The following MSRB3 variants were observed in gnomAD, a reference collection of about 807,000 sequenced individuals.
The protein encoded by MSRB3 is methionine sulfoxide reductase B3.
Under a neutral mutation model 21.0 loss-of-function variants are expected in MSRB3, and 13 were observed. That is an observed-to-expected ratio of 0.62 (90% CI 0.40 to 0.98). MSRB3 has a LOEUF of 0.98. Among genes scored for constraint, MSRB3 ranks in the 50% least tolerant of loss-of-function variants. MSRB3 has a pLI of 0.00. For missense variants in MSRB3, 199 were observed against 230.3 expected, an observed-to-expected ratio of 0.86 and a Z score of 0.88; for synonymous variants, 87 against 88.6, an observed-to-expected ratio of 0.98 and a Z score of 0.10.
chr12:65,307,015 C>T, intron 1 of MSRB3: 1 of 985,834 alleles, frequency 1.0e-6, no homozygotes, highest in Non-Finnish European at 1.2e-6. Context: ...AGTGAGACTG[C>T]AGCTTTGCTA....
chr12:65,452,157 A>G (rs898751707), intron 5 of MSRB3, among the ~76,000 whole-genome samples: 3 of 152,178 alleles, frequency 2.0e-5, no homozygotes, highest in Admixed American at 6.5e-5. Context: ...TAATACAACA[A>G]TGAAACTCCT....
chr12:65,374,923 C>T (rs1181989064), intron 5 of MSRB3, among the ~76,000 whole-genome samples: 1 of 151,936 alleles, frequency 6.6e-6, no homozygotes, highest in Admixed American at 6.6e-5. Flanking sequence ...GATCTCGGCT[C>T]AATGCAAGCT....
intron 4 of MSRB3, among the ~76,000 whole-genome samples, chr12:65,343,394 G>C (rs575603104): frequency 1.3e-5 from 2 of 152,074 alleles, no homozygotes; most frequent in South Asian, 4.1e-4. Context: ...CCCTCCTCAT[G>C]ACTACCTTCC....
intron 5 of MSRB3, among the ~76,000 whole-genome samples, chr12:65,414,247 A>G (rs1032481164): frequency 1.3e-5 from 2 of 152,166 alleles, no homozygotes; most frequent in African/African-American, 4.8e-5. Flanking sequence ...AGCATAGAGA[A>G]TAATTAGAAG....
chr12:65,363,981 C>CACAA (rs765348123), intron 4 of MSRB3, among the ~76,000 whole-genome samples: 3 of 152,030 alleles, frequency 2.0e-5, no homozygotes, highest in African/African-American at 4.8e-5. Context: ...CTTAAAAACA[C>CACAA]ACAAACAAAC....
At chr12:65,315,088 C>T (rs913726656) in intron 2 of MSRB3, among the ~76,000 whole-genome samples, 2 of 152,094 alleles carry the variant, frequency 1.3e-5, no homozygotes, top group South Asian at 4.1e-4. Context: ...TACTATCATC[C>T]TTTCCTAGTT....
At chr12:65,300,469 C>T (rs1338000715) in intron 1 of MSRB3, among the ~76,000 whole-genome samples, 1 of 152,174 alleles carries the variant, frequency 6.6e-6, no homozygotes, top group African/African-American at 2.4e-5. Context: ...TCTCATCCTT[C>T]CAGACTCTGT....
intron 4 of MSRB3, among the ~76,000 whole-genome samples, chr12:65,342,177 G>T (rs1464618916): frequency 6.6e-6 from 1 of 151,040 alleles, no homozygotes; most frequent in Non-Finnish European, 1.5e-5. Flanking sequence ...CTTTTCTATA[G>T]CTCAAAAACA....
At chr12:65,284,503 A>G (rs1592485856) in intron 1 of MSRB3, 3 of 152,356 alleles carry the variant, frequency 2.0e-5, no homozygotes, top group South Asian at 4.1e-4. Context: ...GGGTGGAGGT[A>G]AAAATAAGTT....
At chr12:65,431,688 A>G (rs772373537) in intron 5 of MSRB3, among the ~76,000 whole-genome samples, 2 of 152,104 alleles carry the variant, frequency 1.3e-5, no homozygotes, top group Non-Finnish European at 2.9e-5. Flanking sequence ...AATCCTGGGA[A>G]GTGAACATGA....
chr12:65,368,170 A>C (rs1878120507), intron 4 of MSRB3, among the ~76,000 whole-genome samples: 1 of 152,178 alleles, frequency 6.6e-6, no homozygotes, highest in Admixed American at 6.5e-5. Flanking sequence ...CCAGGAAAAA[A>C]AAGTCTTGTC....
intron 6 of MSRB3, among the ~76,000 whole-genome samples, chr12:65,457,250 T>C (rs1328160926): frequency 6.6e-6 from 1 of 152,192 alleles, no homozygotes; most frequent in Admixed American, 6.5e-5. Flanking sequence ...CTTTAAGTTC[T>C]GGGAAACATG....
chr12:65,339,755 T>C (rs1232237059), intron 4 of MSRB3, among the ~76,000 whole-genome samples: 2 of 152,156 alleles, frequency 1.3e-5, no homozygotes, highest in African/African-American at 2.4e-5. Context: ...ATGATAACAA[T>C]AGATTCTCCT....
At chr12:65,339,966 A>G (rs1427487620) in intron 4 of MSRB3, among the ~76,000 whole-genome samples, 1 of 152,224 alleles carries the variant, frequency 6.6e-6, no homozygotes, top group East Asian at 1.9e-4. Flanking sequence ...GCAATTTTTC[A>G]TGCACAAAGC....
chr12:65,403,316 G>A (rs2336713), intron 5 of MSRB3, among the ~76,000 whole-genome samples: 1 of 151,586 alleles, frequency 6.6e-6, no homozygotes, highest in African/African-American at 2.4e-5. Flanking sequence ...AGAGGAGGAA[G>A]CTAGACAGGT....
chr12:65,408,017 A>T (rs185527346), intron 5 of MSRB3, among the ~76,000 whole-genome samples: 126 of 151,252 alleles, frequency 8.3e-4, no homozygotes, highest in Admixed American at 1.5e-3. Context: ...TGGTCTGATT[A>T]TTAGAAAATC....
intron 1 of MSRB3, among the ~76,000 whole-genome samples, chr12:65,295,109 C>T (rs1565818925): frequency 6.6e-6 from 1 of 152,196 alleles, no homozygotes; most frequent in Non-Finnish European, 1.5e-5. Context: ...AGATTACAGG[C>T]GTGAGCCACT....
rs148799089 is a variant in MSRB3 at position 65,370,920 on chromosome 12, C to T, written c.292+1894C>T. Among the ~76,000 whole-genome samples the T allele has an allele frequency of 9.9e-5, 15 of 152,132 alleles. No individual in the cohort carries two copies. In the East Asian group the frequency reaches 2.1e-3, roughly 21 times the overall value. ...ATTCAGATGTTTTCAAATTAAGAAA[C>T]GGAATTATTTTTTCTTATAAGCTCC... is the stretch of plus-strand genomic sequence containing the variant. On this transcript the variant is annotated intron_variant, in intron 5 of 6. Transcript: ENST00000308259.
chr12:65,349,278 T>C (rs1414478638), intron 4 of MSRB3, among the ~76,000 whole-genome samples: 2 of 152,024 alleles, frequency 1.3e-5, no homozygotes, highest in Admixed American at 1.3e-4. Flanking sequence ...ATGGTGTATA[T>C]GTGCCACATT....
Sources: gnomAD v4.1 joint callset for allele counts (sites outside exome capture counted in the v4.1 genomes callset) on GRCh38, gnomAD v4.1.1 for gene constraint, MANE v1.5 for transcripts, NCBI Gene and HGNC (gene_info 2026-07-23, HGNC 2026-07-21) for gene names.